Variants in CALCR observed in about 807,000 individuals in gnomAD.
CALCR encodes the protein calcitonin receptor.
Under a neutral mutation model 59.5 loss-of-function variants are expected in CALCR, and 47 were observed. That is an observed-to-expected ratio of 0.79 (90% CI 0.63 to 1.01). CALCR has a LOEUF of 1.01. Ranked by LOEUF, CALCR falls within the 50% of genes least tolerant of loss-of-function variation. The probability of loss-of-function intolerance (pLI) is 0.00; values close to 1 mark genes in which losing one functional copy is unlikely to be tolerated. For missense variants in CALCR, 566 were observed against 597.1 expected (o/e 0.95, Z 0.54); for synonymous variants, 213 against 211.3 (o/e 1.01, Z -0.07).
intron 2 of CALCR, among the ~76,000 whole-genome samples, chr7:93,530,637 C>G (rs1788806864): frequency 6.6e-6 from 1 of 152,082 alleles, no homozygotes; most frequent in Non-Finnish European, 1.5e-5. Flanking sequence ...GTGGTTAACT[C>G]CTTTGACTGA....
At chr7:93,554,264 T>C (rs371552949) in intron 2 of CALCR, among the ~76,000 whole-genome samples, 1 of 152,192 alleles carries the variant, frequency 6.6e-6, no homozygotes, top group East Asian at 1.9e-4. Context: ...ACATCATTTC[T>C]ATTACAAGTC....
intron 2 of CALCR, among the ~76,000 whole-genome samples, chr7:93,541,984 T>C (rs1789154698): frequency 6.6e-6 from 1 of 152,118 alleles, no homozygotes; most frequent in South Asian, 2.1e-4. Flanking sequence ...ACATAAAATT[T>C]GGAAAATTAG....
intron 2 of CALCR, among the ~76,000 whole-genome samples, chr7:93,529,153 G>A (rs1343727937): frequency 1.3e-5 from 2 of 152,210 alleles, no homozygotes; most frequent in African/African-American, 4.8e-5. Context: ...CAGTGCTGAA[G>A]GTGGGGCCTA....
chr7:93,554,503 A>G (rs934673268), intron 2 of CALCR, among the ~76,000 whole-genome samples: 2 of 152,042 alleles, frequency 1.3e-5, no homozygotes, highest in African/African-American at 4.8e-5. Flanking sequence ...TTCATTTCCA[A>G]CAAGGGATTT....
rs1186973922 is a variant in CALCR at position 93,517,320 on chromosome 7, T to TTTTTTTTTTTATTATAC, written c.-26-30314_-26-30313insGTATAATAAAAAAAAAA. Among the ~76,000 whole-genome samples, 11 of 151,238 alleles carry TTTTTTTTTTTATTATAC rather than the reference T, an allele frequency of 7.3e-5. No homozygotes were observed. In the South Asian group the frequency reaches 8.3e-4, roughly 11 times the overall value. ...ATTTGAGAACTTTTTTTTTTTAATT[T>TTTTTTTTTTTATTATAC]GCTAGCCATATGGCCTTGTGCTAAT... On this transcript the variant is annotated intron_variant, in intron 2 of 13. Transcript: ENST00000426151.
At chr7:93,439,541 C>T (rs925710832) in intron 9 of CALCR, among the ~76,000 whole-genome samples, 35 of 152,080 alleles carry the variant, frequency 2.3e-4, no homozygotes, top group African/African-American at 7.5e-4. Flanking sequence ...CCTTTTAACG[C>T]CCAGGGCTCT....
At chr7:93,503,710 T>C (rs938765606) in intron 2 of CALCR, among the ~76,000 whole-genome samples, 1 of 152,110 alleles carries the variant, frequency 6.6e-6, no homozygotes, top group Non-Finnish European at 1.5e-5. Flanking sequence ...AAGAAAATAG[T>C]AGGGGAAAGA....
chr7:93,432,098 G>A (rs1417311584), intron 13 of CALCR, among the ~76,000 whole-genome samples: 1 of 152,024 alleles, frequency 6.6e-6, no homozygotes, highest in Non-Finnish European at 1.5e-5. Flanking sequence ...TCTACCCACT[G>A]ACTCTCTATA....
chr7:93,479,301 A>C, intron 4 of CALCR, 53 bp downstream of exon 4: 2 of 1,495,208 alleles, frequency 1.3e-6, no homozygotes, highest in Non-Finnish European at 1.8e-6. Flanking sequence ...CCACAAAAGA[A>C]AATGTCTGTA....
At chr7:93,510,871 A>AAAACAAAC (rs532035408) in intron 2 of CALCR, among the ~76,000 whole-genome samples, 1 of 152,028 alleles carries the variant, frequency 6.6e-6, no homozygotes, top group Non-Finnish European at 1.5e-5. Flanking sequence ...TGTCTCTACA[A>AAAACAAAC]AAACAAACAA....
intron 2 of CALCR, among the ~76,000 whole-genome samples, chr7:93,566,891 C>T (rs1050227770): frequency 1.3e-5 from 2 of 152,112 alleles, no homozygotes; most frequent in African/African-American, 2.4e-5. Flanking sequence ...GGATTAATTG[C>T]TTTCAGGGCT....
chr7:93,544,610 T>G (rs1789236770), intron 2 of CALCR, among the ~76,000 whole-genome samples: 1 of 152,184 alleles, frequency 6.6e-6, no homozygotes, highest in African/African-American at 2.4e-5. Flanking sequence ...ATTTTAGTTT[T>G]TCACTGTGTG....
At chr7:93,504,503 C>G (rs1801385040) in intron 2 of CALCR, among the ~76,000 whole-genome samples, 1 of 152,102 alleles carries the variant, frequency 6.6e-6, no homozygotes, top group Admixed American at 6.6e-5. Flanking sequence ...CTTTTTCTTT[C>G]TCCCACCGTA....
chr7:93,525,491 T>C (rs1423260051), intron 2 of CALCR, among the ~76,000 whole-genome samples: 1 of 152,142 alleles, frequency 6.6e-6, no homozygotes, highest in African/African-American at 2.4e-5. Flanking sequence ...GAGCAAAATA[T>C]GAAGCAGAGC....
At chr7:93,482,738 A>G (rs1257219467) in intron 3 of CALCR, 12 of 531,932 alleles carry the variant, frequency 2.3e-5, no homozygotes, top group Admixed American at 2.1e-4. Flanking sequence ...ACGAGTAGTT[A>G]TAATTCATGC....
At chr7:93,429,938 T>TG (rs1237490859) in intron 13 of CALCR, among the ~76,000 whole-genome samples, 8 of 107,556 alleles carry the variant, frequency 7.4e-5, no homozygotes, top group African/African-American at 2.9e-4. Flanking sequence ...TTGTTTGTTT[T>TG]TTTGTTTTTT....
rs1461880753 is a variant in CALCR at position 93,425,887 on chromosome 7, G to GT, written c.*468dup. ...ATTGTAAGGATGGTAAAACATCTCAGTAACATCAGAATTGACTGAAATTTA... is the reference window on the plus strand; with the variant it reads ...ATTGTAAGGATGGTAAAACATCTCAGTTAACATCAGAATTGACTGAAATTTA... On this transcript the variant is annotated 3_prime_UTR_variant, in exon 14 of 14. Transcript: ENST00000426151. 1.3e-5 allele frequency: 2 copies of GT among 153,572 alleles called. No individual in the cohort carries two copies. The highest frequency in any genetic ancestry group is 2.9e-5 in the Non-Finnish European group (2 of 68,986). 9.5% of individuals were successfully genotyped at this position (153,572 alleles called of 1,614,324 possible).
At chr7:93,468,592 T>C in intron 7 of CALCR, 123 bp downstream of exon 7, 1 of 603,584 alleles carries the variant, frequency 1.7e-6, no homozygotes, top group Non-Finnish European at 3.0e-6. Flanking sequence ...TCATGACTCC[T>C]AATGTTGCAT....
In CALCR at chr7:93,530,961, G is replaced by A. The variant is rs955439325; in HGVS notation, c.-27+43328C>T. ...CTACTGAACCAGAAACTTTGGTAGTGAGGCCTAGCAATCAGAATTTTGATA... is the reference window on the plus strand; with the variant it reads ...CTACTGAACCAGAAACTTTGGTAGTAAGGCCTAGCAATCAGAATTTTGATA... On this transcript the variant is annotated intron_variant, in intron 2 of 13. Transcript: ENST00000426151. Among the ~76,000 whole-genome samples the A allele has an allele frequency of 3.3e-5, 5 of 152,110 alleles. No homozygotes were observed. In the Middle Eastern group the frequency reaches 0.014, roughly 414 times the overall value.
Sources: allele counts gnomAD v4.1 joint callset (sites outside exome capture counted in the v4.1 genomes callset), GRCh38; gene constraint gnomAD v4.1.1; transcripts MANE v1.5; gene names NCBI Gene and HGNC (gene_info 2026-07-23, HGNC 2026-07-21).